The following KCNJ5 variants were observed in gnomAD, a reference collection of about 807,000 sequenced individuals.
KCNJ5 encodes the protein G protein-activated inward rectifier potassium channel 4.
KCNJ5 carries 12 observed loss-of-function variants against 20.2 expected under a neutral mutation model. That is an observed-to-expected ratio of 0.59 (90% CI 0.38 to 0.96). The LOEUF (loss-of-function observed/expected upper bound fraction) is 0.96. Among genes scored for constraint, KCNJ5 ranks in the 40% least tolerant of loss-of-function variants. The probability of loss-of-function intolerance (pLI) is 0.00; values close to 1 mark genes in which losing one functional copy is unlikely to be tolerated. For missense variants in KCNJ5, 449 were observed against 557.6 expected, an observed-to-expected ratio of 0.81 and a Z score of 1.96; for synonymous variants, 210 against 213.9, an observed-to-expected ratio of 0.98 and a Z score of 0.16.
At chr11:128,897,519 T>A (rs1944196694) in intron 1 of KCNJ5, among the ~76,000 whole-genome samples, 1 of 152,250 alleles carries the variant, frequency 6.6e-6, no homozygotes, top group Non-Finnish European at 1.5e-5. Flanking sequence ...TGTTGAGTTT[T>A]GAGAATTTTT....
chr11:128,893,349 C>T (rs1944123200), intron 1 of KCNJ5, among the ~76,000 whole-genome samples: 1 of 151,938 alleles, frequency 6.6e-6, no homozygotes, highest in Non-Finnish European at 1.5e-5. Context: ...AGAGAAATTG[C>T]TGGCTCAGGA....
In KCNJ5 at chr11:128,920,097, A is replaced by G. The variant is rs142466746; in HGVS notation, c.*3366A>G. On this transcript the variant is annotated 3_prime_UTR_variant, in exon 3 of 3. Coordinates refer to ENST00000529694, the MANE Select transcript of KCNJ5 (RefSeq NM_000890.5). Reference sequence around the variant, plus strand: ...TCTGAGAATGTCCCCTGTAGGGAGAAGCCTCCAGGAACTCAGAATAGAACT... The same window carrying G: ...TCTGAGAATGTCCCCTGTAGGGAGAGGCCTCCAGGAACTCAGAATAGAACT... 6.6e-6 allele frequency: 1 copy of G among 152,348 alleles called. No individual in the cohort carries two copies. The highest frequency in any genetic ancestry group is 2.4e-5 in the African/African-American group (1 of 41,576). The allele number at this position is 152,348 out of a possible 1,614,324, so 9.4% of individuals were successfully genotyped here.
At chr11:128,915,299 A>G (rs1256571601) in intron 2 of KCNJ5, among the ~76,000 whole-genome samples, 1 of 152,210 alleles carries the variant, frequency 6.6e-6, no homozygotes, top group Non-Finnish European at 1.5e-5. Flanking sequence ...CTGAGTAGAC[A>G]GGGAAACGAG....
intron 1 of KCNJ5, chr11:128,903,635 C>T (rs977823673): frequency 1.6e-5 from 17 of 1,040,998 alleles, no homozygotes; most frequent in African/African-American, 6.3e-5. Context: ...ACGGGGCACT[C>T]TTGGTGATGA....
At chr11:128,914,026 T>A (rs562105893) in intron 2 of KCNJ5, among the ~76,000 whole-genome samples, 1 of 151,930 alleles carries the variant, frequency 6.6e-6, no homozygotes, top group Non-Finnish European at 1.5e-5. Context: ...GGGGCTGGAG[T>A]CTGGCAGGCA....
At chr11:128,905,087 T>C (rs961208063) in intron 1 of KCNJ5, among the ~76,000 whole-genome samples, 2 of 152,236 alleles carry the variant, frequency 1.3e-5, no homozygotes, top group Non-Finnish European at 2.9e-5. Context: ...GGGAGGATCC[T>C]GTCCACCGGT....
At chr11:128,908,845 C>T (rs555427259) in intron 1 of KCNJ5, among the ~76,000 whole-genome samples, 156 of 152,192 alleles carry the variant, frequency 1.0e-3, no homozygotes, top group African/African-American at 3.4e-3. Context: ...GCTGGGGTGT[C>T]CAGAATACAC....
intron 1 of KCNJ5, chr11:128,902,836 C>A: frequency 9.1e-7 from 1 of 1,095,754 alleles, no homozygotes; most frequent in Non-Finnish European, 1.3e-6. Context: ...GGCCTCTCTC[C>A]GACTCCCTAG....
At chr11:128,905,197 CT>C (rs1314827481) in intron 1 of KCNJ5, among the ~76,000 whole-genome samples, 7 of 152,168 alleles carry the variant, frequency 4.6e-5, no homozygotes, top group African/African-American at 1.7e-4. Context: ...TGCCAACGGC[CT>C]CCCCACGCCC....
rs143790141 is a variant in KCNJ5, at chr11:128,911,904, C to A, written c.631C>A (p.Arg211=). Residue 211 remains arginine (R), a synonymous_variant, in exon 2 of 3, where the codon CGG becomes AGG. Transcript: ENST00000529694. This position sits in a 1 kb window ranked among gnomAD's most constrained non-coding sequence, Gnocchi z 6.3. ...MFSNNAVISM[R]DEKLCLMFRV... is the part of the protein sequence containing the mutation. Reference sequence around the variant, plus strand: ...TTCCAACAACGCAGTCATCTCCATGCGGGACGAGAAGCTGTGCCTCATGTT... The same window carrying A: ...TTCCAACAACGCAGTCATCTCCATGAGGGACGAGAAGCTGTGCCTCATGTT... 4 of 1,606,788 alleles carry A rather than the reference C, an allele frequency of 2.5e-6. No individual in the cohort carries two copies. The highest frequency in any genetic ancestry group is 3.4e-6 in the Non-Finnish European group (4 of 1,174,746).
chr11:128,905,920 C>G (rs1165253703), intron 1 of KCNJ5: 2 of 152,180 alleles, frequency 1.3e-5, no homozygotes, highest in African/African-American at 4.8e-5. Context: ...CTGTTTTCCC[C>G]TTTTGTAAAC....
At chr11:128,900,282 A>T (rs1205725621) in intron 1 of KCNJ5, 2 of 152,138 alleles carry the variant, frequency 1.3e-5, no homozygotes, top group Non-Finnish European at 2.9e-5. Flanking sequence ...CCCTTTAAAG[A>T]TCCTTACATG....
At chr11:128,914,385 C>T (rs962603039) in intron 2 of KCNJ5, among the ~76,000 whole-genome samples, 4 of 152,178 alleles carry the variant, frequency 2.6e-5, no homozygotes, top group Non-Finnish European at 2.9e-5. Flanking sequence ...GTCAGGGGCC[C>T]GCCATTCACT....
intron 1 of KCNJ5, among the ~76,000 whole-genome samples, chr11:128,895,359 T>C (rs897441289): frequency 1.4e-5 from 2 of 144,376 alleles, no homozygotes; most frequent in African/African-American, 5.2e-5. Context: ...CAAACCTGTG[T>C]CTTCCCCTTA....
At chr11:128,906,292 A>T (rs188709286) in intron 1 of KCNJ5, among the ~76,000 whole-genome samples, 1 of 152,364 alleles carries the variant, frequency 6.6e-6, no homozygotes, top group Admixed American at 6.5e-5. Flanking sequence ...ATCTGATGCC[A>T]GAGTCAGCCT....
chr11:128,911,417 G>A lies in KCNJ5; in HGVS notation c.144G>A (p.Lys48=), dbSNP rs746630974. Residue 48 remains lysine, a synonymous_variant, in exon 2 of 3, where the codon AAG becomes AAA. Coordinates refer to ENST00000529694, the MANE Select transcript of KCNJ5 (RefSeq NM_000890.5). The surrounding 1 kb of genome is among the most constrained non-coding windows in gnomAD (Gnocchi z 6.3). The part of the protein sequence containing the change: ...DRTRLLAEGK[K]PRQRYMEKSG... ...CGCGCCTGCTGGCCGAGGGCAAGAAGCCACGCCAGCGCTACATGGAGAAGA... is the reference window on the plus strand; with the variant it reads ...CGCGCCTGCTGGCCGAGGGCAAGAAACCACGCCAGCGCTACATGGAGAAGA... 49 of 1,614,228 alleles carry A rather than the reference G, an allele frequency of 3.0e-5. 2 individuals are homozygous for A. The South Asian group carries it at 5.2e-4, about 17-fold the overall frequency.
Position 128,916,445 on chromosome 11 carries a change from C to T in KCNJ5, c.974C>T (p.Thr325Ile), listed in dbSNP as rs779864342. 1 of 1,614,184 alleles carries T rather than the reference C, an allele frequency of 6.2e-7. No individual in the cohort carries two copies. The highest frequency in any genetic ancestry group is 1.1e-5 in the South Asian group (1 of 91,088). ...TCQARSSYMD[T>I]EVLWGHRFTP... Reference sequence around the variant, plus strand: ...CAAGCCCGGAGCTCCTACATGGATACAGAGGTGCTCTGGGGCCACCGATTC... The same window carrying T: ...CAAGCCCGGAGCTCCTACATGGATATAGAGGTGCTCTGGGGCCACCGATTC... Residue 325 changes from threonine (T) to isoleucine (I), a missense_variant, in exon 3 of 3, where the codon ACA (threonine) becomes ATA (isoleucine). This residue lies in a region of KCNJ5 where 145 missense variants were observed against 166.2 expected (regional missense o/e 0.87). Transcript: ENST00000529694.
At chr11:128,909,946 T>G (rs974850968) in intron 1 of KCNJ5, 1 of 152,196 alleles carries the variant, frequency 6.6e-6, no homozygotes, top group Non-Finnish European at 1.5e-5. Flanking sequence ...GTGTGGTGAG[T>G]GCTGTGGGTC....
intron 1 of KCNJ5, among the ~76,000 whole-genome samples, chr11:128,909,690 C>T (rs879780040): frequency 1.3e-5 from 2 of 152,170 alleles, no homozygotes; most frequent in Non-Finnish European, 2.9e-5. Flanking sequence ...AGTGACAGAG[C>T]AGTCTAGGCA....
Sources: gnomAD v4.1 joint callset for allele counts (sites outside exome capture counted in the v4.1 genomes callset) on GRCh38, gnomAD v4.1.1 for gene constraint, gnomAD v4.1.1 regional missense constraint, Gnocchi (gnomAD v3.1) non-coding constraint, MANE v1.5 for transcripts, NCBI Gene and HGNC (gene_info 2026-07-23, HGNC 2026-07-21) for gene names.